Variants in TADA2A observed in about 807,000 individuals in gnomAD.
The protein encoded by TADA2A is transcriptional adapter 2-alpha.
In TADA2A, 38 loss-of-function variants were observed where a neutral mutation model predicts 67.4. That is an observed-to-expected ratio of 0.56 (90% CI 0.44 to 0.74). The LOEUF (loss-of-function observed/expected upper bound fraction) is 0.74, where lower values mean the gene tolerates loss of function less well. TADA2A is among the 30% of genes least tolerant of loss of function. TADA2A has a pLI of 0.00. For missense variants in TADA2A, 454 were observed against 547.0 expected, an observed-to-expected ratio of 0.83 and a Z score of 1.70; for synonymous variants, 192 against 181.6, an observed-to-expected ratio of 1.06 and a Z score of -0.46.
At chr17:37,452,223 CA>C (rs780800635) in intron 8 of TADA2A, among the ~76,000 whole-genome samples, 29 of 151,714 alleles carry the variant, frequency 1.9e-4, no homozygotes, top group South Asian at 1.3e-3. Flanking sequence ...GCCAATGTGG[CA>C]AAACCCCATC....
intron 4 of TADA2A, among the ~76,000 whole-genome samples, chr17:37,432,791 T>C (rs1482347801): frequency 6.6e-6 from 1 of 152,192 alleles, no homozygotes; most frequent in African/African-American, 2.4e-5. Context: ...TTCCAAAGCA[T>C]TTATATCATT....
intron 14 of TADA2A, among the ~76,000 whole-genome samples, chr17:37,474,244 T>A (rs1023359677): frequency 3.3e-5 from 5 of 152,082 alleles, no homozygotes; most frequent in African/African-American, 1.2e-4. Flanking sequence ...GTCTCAAAAA[T>A]AATAATAATA....
At chr17:37,422,416 G>A (rs982569104) in intron 2 of TADA2A, among the ~76,000 whole-genome samples, 4 of 150,828 alleles carry the variant, frequency 2.7e-5, no homozygotes, top group Admixed American at 2.7e-4. Flanking sequence ...CCTAAGAGCA[G>A]GCAATCTGCC....
At chr17:37,407,205 C>T (rs907673495) in intron 1 of TADA2A, 6 of 151,968 alleles carry the variant, frequency 3.9e-5, no homozygotes, top group African/African-American at 1.4e-4. Flanking sequence ...GGGCGGTGCC[C>T]CAGTGCCCCG....
intron 12 of TADA2A, among the ~76,000 whole-genome samples, chr17:37,468,808 T>C (rs1239010904): frequency 6.6e-6 from 1 of 152,216 alleles, no homozygotes; most frequent in Non-Finnish European, 1.5e-5. Context: ...CTGTCATTGT[T>C]GAAATGATCT....
intron 8 of TADA2A, among the ~76,000 whole-genome samples, chr17:37,455,444 T>G (rs2053364229): frequency 6.6e-6 from 1 of 152,004 alleles, no homozygotes; most frequent in African/African-American, 2.4e-5. Context: ...TGCAGTGGCG[T>G]GATCTCGGTT....
intron 4 of TADA2A, among the ~76,000 whole-genome samples, chr17:37,433,325 TG>T (rs1199412519): frequency 6.6e-6 from 1 of 152,034 alleles, no homozygotes; most frequent in Non-Finnish European, 1.5e-5. Flanking sequence ...CTTCCCCAAA[TG>T]TTAACATCTT....
intron 4 of TADA2A, among the ~76,000 whole-genome samples, chr17:37,433,208 C>T (rs1281139983): frequency 6.6e-6 from 1 of 151,958 alleles, no homozygotes; most frequent in Non-Finnish European, 1.5e-5. Context: ...CCACCTTGGC[C>T]TCCCAGAGTG....
chr17:37,467,018 G>A (rs1363457812), intron 11 of TADA2A, among the ~76,000 whole-genome samples: 1 of 152,124 alleles, frequency 6.6e-6, no homozygotes, highest in Non-Finnish European at 1.5e-5. Flanking sequence ...TTAGCCGGGT[G>A]TGGTGGTAGA....
chr17:37,460,044 C>A (rs1298814057), intron 9 of TADA2A, among the ~76,000 whole-genome samples: 1 of 150,358 alleles, frequency 6.7e-6, no homozygotes, highest in Non-Finnish European at 1.5e-5. Flanking sequence ...CCAGCCTGGG[C>A]GACAGGGTGA....
chr17:37,450,317 G>A (rs2053199105), intron 8 of TADA2A, among the ~76,000 whole-genome samples: 1 of 152,106 alleles, frequency 6.6e-6, no homozygotes, highest in South Asian at 2.1e-4. Flanking sequence ...TTGCTTCTGG[G>A]GAATACCTGT....
At chr17:37,458,657 G>GTGTGTGTGTC in intron 9 of TADA2A, 70 bp downstream of exon 9, 1 of 1,199,952 alleles carries the variant, frequency 8.3e-7, no homozygotes, top group Non-Finnish European at 1.2e-6. Context: ...GTGTGTGTGT[G>GTGTGTGTGTC]TGTGTGTGTG....
chr17:37,458,475 AATAT>A (rs761782045), intron 8 of TADA2A, 45 bp from the exon 9 acceptor site: 23 of 1,158,266 alleles, frequency 2.0e-5, no homozygotes, highest in Admixed American at 7.1e-5. Flanking sequence ...TTATTTATAT[AATAT>A]ATATATGATA....
At chr17:37,475,841 A>G (rs773233016) in intron 15 of TADA2A, among the ~76,000 whole-genome samples, 3 of 152,206 alleles carry the variant, frequency 2.0e-5, no homozygotes, top group Non-Finnish European at 4.4e-5. Flanking sequence ...ATCTGTTTCT[A>G]AAATTTAAAG....
intron 1 of TADA2A, among the ~76,000 whole-genome samples, chr17:37,409,174 C>G (rs978088537): frequency 7.9e-5 from 12 of 152,248 alleles, no homozygotes; most frequent in Admixed American, 6.5e-4. Flanking sequence ...CAACCTCCAC[C>G]TGCCTGGTTC....
chr17:37,467,072 T>G (rs1371094850), intron 11 of TADA2A, among the ~76,000 whole-genome samples: 3 of 152,054 alleles, frequency 2.0e-5, no homozygotes, highest in Non-Finnish European at 4.4e-5. Flanking sequence ...CAGGGGGAAT[T>G]GCTTGAACCC....
chr17:37,472,291 G>C (rs1597949999), intron 14 of TADA2A, among the ~76,000 whole-genome samples: 1 of 151,414 alleles, frequency 6.6e-6, no homozygotes, highest in Non-Finnish European at 1.5e-5. Context: ...GTCTCGAACT[G>C]CTGACCTCAG....
intron 8 of TADA2A, among the ~76,000 whole-genome samples, chr17:37,453,029 G>A (rs1262230557): frequency 3.3e-5 from 5 of 152,148 alleles, no homozygotes; most frequent in Admixed American, 6.6e-5. Flanking sequence ...AGACCCAAGG[G>A]AGAATGACCT....
intron 4 of TADA2A, among the ~76,000 whole-genome samples, chr17:37,433,510 T>A (rs2052632188): frequency 6.6e-6 from 1 of 151,532 alleles, no homozygotes; most frequent in South Asian, 2.1e-4. Flanking sequence ...AATTTAAAAA[T>A]TAGGTGGGTG....
Sources: gnomAD v4.1 joint callset for allele counts (sites outside exome capture counted in the v4.1 genomes callset) on GRCh38, gnomAD v4.1.1 for gene constraint, MANE v1.5 for transcripts, NCBI Gene and HGNC (gene_info 2026-07-23, HGNC 2026-07-21) for gene names.